Variants in ZCWPW2 observed in about 807,000 individuals in gnomAD.
ZCWPW2 encodes zinc finger CW-type and PWWP domain containing 2.
ZCWPW2 carries 45 observed loss-of-function variants against 46.6 expected under a neutral mutation model. The observed-to-expected ratio is 0.96, with a 90% confidence interval of 0.76 to 1.24. ZCWPW2 has a LOEUF of 1.24. ZCWPW2 is among the 50% of genes most tolerant of loss of function. ZCWPW2 has a pLI of 0.00. For synonymous variants in ZCWPW2, 152 were observed against 137.1 expected, an observed-to-expected ratio of 1.11 and a Z score of -0.76; for missense variants, 429 against 403.9, an observed-to-expected ratio of 1.06 and a Z score of -0.53.
chr3:28,360,138 G>A (rs542715450), intron 1 of ZCWPW2, among the ~76,000 whole-genome samples: 4 of 151,828 alleles, frequency 2.6e-5, no homozygotes, highest in East Asian at 3.9e-4. Flanking sequence ...ATACATTAAT[G>A]TAGCTTGGTA....
chr3:28,511,223 CA>C (rs151075865), intron 6 of ZCWPW2: 145 of 310,964 alleles, frequency 4.7e-4, no homozygotes, highest in Non-Finnish European at 8.1e-4. Context: ...CAACTAGGAG[CA>C]AATGTCTATT....
At chr3:28,447,898 G>C in intron 4 of ZCWPW2, 2 of 863,548 alleles carry the variant, frequency 2.3e-6, no homozygotes, top group Non-Finnish European at 3.8e-6. Flanking sequence ...GGTTCGTGCT[G>C]TGAGGCCTAA....
intron 6 of ZCWPW2, among the ~76,000 whole-genome samples, chr3:28,495,852 A>G (rs557091784): frequency 6.6e-6 from 1 of 152,024 alleles, no homozygotes; most frequent in African/African-American, 2.4e-5. Flanking sequence ...ATTTTGGAGA[A>G]TACAAGGTGT....
At chr3:28,439,196 A>G (rs1016060234) in intron 4 of ZCWPW2, among the ~76,000 whole-genome samples, 1 of 149,116 alleles carries the variant, frequency 6.7e-6, no homozygotes, top group Admixed American at 6.6e-5. Context: ...TTAAGTATTA[A>G]CTTACATGAT....
At chr3:28,393,052 C>T (rs1210314701) in intron 2 of ZCWPW2, among the ~76,000 whole-genome samples, 1 of 151,588 alleles carries the variant, frequency 6.6e-6, no homozygotes, top group African/African-American at 2.4e-5. Flanking sequence ...ATTGACAAAC[C>T]TGTAGCTCAA....
intron 6 of ZCWPW2, among the ~76,000 whole-genome samples, chr3:28,513,547 A>T (rs1700483705): frequency 6.6e-6 from 1 of 152,104 alleles, no homozygotes; most frequent in African/African-American, 2.4e-5. Context: ...ATGGAACATT[A>T]TTAGCACAGC....
chr3:28,441,263 C>A (rs558110728), intron 4 of ZCWPW2, among the ~76,000 whole-genome samples: 14 of 152,314 alleles, frequency 9.2e-5, no homozygotes, highest in Non-Finnish European at 7.4e-5. Context: ...AGAGGTCCAT[C>A]CACATACCTC....
intron 1 of ZCWPW2, among the ~76,000 whole-genome samples, chr3:28,381,371 G>T (rs1695098636): frequency 6.6e-6 from 1 of 151,692 alleles, no homozygotes; most frequent in African/African-American, 2.4e-5. Flanking sequence ...ATGTTACCAA[G>T]AAAATCATAA....
At chr3:28,464,319 G>C (rs974055256) in intron 4 of ZCWPW2, among the ~76,000 whole-genome samples, 1 of 151,946 alleles carries the variant, frequency 6.6e-6, no homozygotes, top group African/African-American at 2.4e-5. Context: ...GAAGAGCCAG[G>C]GGTCAGTTTA....
chr3:28,364,611 C>T (rs1012278066), intron 1 of ZCWPW2, among the ~76,000 whole-genome samples: 4 of 151,960 alleles, frequency 2.6e-5, no homozygotes, highest in Non-Finnish European at 5.9e-5. Context: ...TCCATGCTAA[C>T]ATCTATTATT....
chr3:28,349,724 TAAAC>T (rs1254319410), intron 1 of ZCWPW2, among the ~76,000 whole-genome samples: 7 of 152,078 alleles, frequency 4.6e-5, no homozygotes, highest in Admixed American at 1.3e-4. Context: ...ATTGGTTAAA[TAAAC>T]AAATAAACAA....
intron 4 of ZCWPW2, among the ~76,000 whole-genome samples, chr3:28,453,848 T>C (rs908617837): frequency 2.0e-5 from 3 of 147,972 alleles, no homozygotes; most frequent in East Asian, 1.9e-4. Flanking sequence ...TTTTTTTTAT[T>C]ATTATTTTTT....
At chr3:28,506,867 T>G (rs1700292517) in intron 6 of ZCWPW2, among the ~76,000 whole-genome samples, 1 of 152,042 alleles carries the variant, frequency 6.6e-6, no homozygotes, top group South Asian at 2.1e-4. Flanking sequence ...AGGTAAACAA[T>G]GATTGAACAA....
intron 2 of ZCWPW2, among the ~76,000 whole-genome samples, chr3:28,403,232 G>T (rs140424617): frequency 1.9e-3 from 292 of 152,222 alleles, no homozygotes; most frequent in African/African-American, 6.6e-3. Context: ...ACACAAGTCA[G>T]CAGCTCTTCT....
chr3:28,504,617 C>A (rs896559314), intron 6 of ZCWPW2, among the ~76,000 whole-genome samples: 1 of 152,296 alleles, frequency 6.6e-6, no homozygotes, highest in East Asian at 1.9e-4. Flanking sequence ...AATTGAAACA[C>A]ATAGATTCTA....
chr3:28,514,293 T>G (rs1300990302), intron 7 of ZCWPW2, among the ~76,000 whole-genome samples, 171 bp downstream of exon 7: 1 of 152,006 alleles, frequency 6.6e-6, no homozygotes, highest in Non-Finnish European at 1.5e-5. Context: ...CTAAACTGAT[T>G]TGATTTGGAT....
At chr3:28,517,423 A>G (rs1417200799) in intron 8 of ZCWPW2, among the ~76,000 whole-genome samples, 1 of 152,194 alleles carries the variant, frequency 6.6e-6, no homozygotes, top group African/African-American at 2.4e-5. Context: ...TAAAGGGGGA[A>G]CAGGCATGTC....
Position 28,522,226 on chromosome 3 carries a change from C to T in ZCWPW2, c.909+1110C>T, listed in dbSNP as rs542978266. ...CATGTGTACATATGTAACAAACCTG[C>T]ATGTTGTGCACATGTACCCTAGAAC... is the stretch of plus-strand genomic sequence containing the variant. On this transcript the variant is annotated intron_variant, in intron 9 of 9. Coordinates refer to ENST00000383768, the MANE Select transcript of ZCWPW2 (RefSeq NM_001040432.4). Among the ~76,000 whole-genome samples, 25 of 152,184 alleles carry T rather than the reference C, an allele frequency of 1.6e-4. No homozygotes were observed. The South Asian group carries it at 5.0e-3, about 30-fold the overall frequency.
chr3:28,475,797 A>C (rs1036737048), intron 4 of ZCWPW2, among the ~76,000 whole-genome samples: 67 of 151,960 alleles, frequency 4.4e-4, no homozygotes, highest in African/African-American at 1.5e-3. Context: ...TCATGGCCTA[A>C]ATTCACCTTT....
Sources: gnomAD v4.1 joint callset for allele counts (sites outside exome capture counted in the v4.1 genomes callset) on GRCh38, gnomAD v4.1.1 for gene constraint, MANE v1.5 for transcripts, NCBI Gene and HGNC (gene_info 2026-07-23, HGNC 2026-07-21) for gene names.